The following HUWE1 variants were observed in gnomAD, a reference collection of about 807,000 sequenced individuals.
HUWE1 encodes the protein E3 ubiquitin-protein ligase HUWE1.
In HUWE1, 18 loss-of-function variants were observed where a neutral mutation model predicts 299.4. The observed-to-expected ratio is 0.06, with a 90% confidence interval of 0.04 to 0.09. The LOEUF is 0.09. Among genes scored for constraint, HUWE1 ranks in the 10% least tolerant of loss-of-function variants. HUWE1 has a pLI of 1.00. For synonymous variants in HUWE1, 1,317 were observed against 1,286.1 expected (o/e 1.02, Z -0.51); for missense variants, 1,832 against 3,462.3 (o/e 0.53, Z 11.82).
rs782194161 is a variant in HUWE1 at position 53,549,367 on chromosome X, C to T, written c.9627G>A (p.Leu3209=). The change falls in exon 67 of 84, where the codon CTG becomes CTA. Residue 3209 remains leucine (L), a synonymous_variant. Transcript: ENST00000262854. The part of the protein sequence containing the change: ...KLNTSRLHRV[L]RNLCYHAQTR... ...TCTGGGCATGGTAGCAGAGATTTCT[C>T]AGTACTCGGTGTAGACGGCTAGTAT... 8.3e-7 allele frequency: 1 copy of T among 1,211,626 alleles called. No homozygotes were observed. The highest frequency in any genetic ancestry group is 3.0e-5 in the East Asian group (1 of 33,823).
At chrX:53,649,592 A>C (rs1437072504) in intron 4 of HUWE1, among the ~76,000 whole-genome samples, 3 of 112,011 alleles carry the variant, frequency 2.7e-5, no homozygotes, top group Admixed American at 1.9e-4. Flanking sequence ...AATCCTTGGC[A>C]CAAAATCCTT....
chrX:53,625,337 T>C, intron 17 of HUWE1, 79 bp from the exon 18 acceptor site: 1 of 628,839 alleles, frequency 1.6e-6, no homozygotes, highest in Admixed American at 2.2e-5. Context: ...AACAAAATTT[T>C]AAGAGATCCA....
At chrX:53,660,467 A>G (rs2068943107) in intron 3 of HUWE1, among the ~76,000 whole-genome samples, 1 of 112,366 alleles carries the variant, frequency 8.9e-6, no homozygotes, top group Admixed American at 9.4e-5. Flanking sequence ...AAACCAAGAC[A>G]TCACTGTCCA....
At chrX:53,562,980 C>T (rs2062362830) in intron 52 of HUWE1, 51 bp from the exon 53 acceptor site, 1 of 1,052,610 alleles carries the variant, frequency 9.5e-7, no homozygotes, top group Non-Finnish European at 1.3e-6. Flanking sequence ...ACTTCCCTTT[C>T]CAGACTGGGT....
At chrX:53,560,546 C>T in intron 55 of HUWE1, 130 bp from the exon 56 acceptor site, 1 of 549,325 alleles carries the variant, frequency 1.8e-6, no homozygotes, top group Non-Finnish European at 3.0e-6. Context: ...CTCCCTCATT[C>T]CCACAACTCA....
At chrX:53,601,118 T>C (rs1409051778) in intron 28 of HUWE1, among the ~76,000 whole-genome samples, 1 of 111,644 alleles carries the variant, frequency 9.0e-6, no homozygotes, top group Admixed American at 9.5e-5. Flanking sequence ...TAAGCCTATG[T>C]CAGCTTTATT....
At chrX:53,560,130 A>G in intron 56 of HUWE1, 58 bp downstream of exon 56, 1 of 974,538 alleles carries the variant, frequency 1.0e-6, no homozygotes, top group South Asian at 2.1e-5. Context: ...ACAATGCTAA[A>G]GCACAGTGAA....
intron 71 of HUWE1, 77 bp downstream of exon 71, chrX:53,544,952 G>T: frequency 2.7e-6 from 3 of 1,104,899 alleles, no homozygotes; most frequent in Non-Finnish European, 3.7e-6. Context: ...AAATAAAAAA[G>T]ACCAGGAAAC....
chrX:53,637,117 G>T (rs782541703), intron 7 of HUWE1, among the ~76,000 whole-genome samples: 1 of 112,022 alleles, frequency 8.9e-6, no homozygotes, highest in Non-Finnish European at 1.9e-5. Context: ...CAAAGAGTAA[G>T]CCAGTTTTTA....
intron 66 of HUWE1, among the ~76,000 whole-genome samples, chrX:53,549,966 G>C (rs1278926041): frequency 9.1e-6 from 1 of 110,428 alleles, no homozygotes; most frequent in African/African-American, 3.3e-5. Flanking sequence ...TGCCTAGGCT[G>C]GTCTTGAACT....
At chrX:53,646,868 A>G (rs1372736691) in intron 6 of HUWE1, among the ~76,000 whole-genome samples, 1 of 112,178 alleles carries the variant, frequency 8.9e-6, no homozygotes, top group Non-Finnish European at 1.9e-5. Flanking sequence ...CCAATTAAAA[A>G]GCTCACTGAT....
At chrX:53,535,053 C>G (rs1438818155) in intron 81 of HUWE1, among the ~76,000 whole-genome samples, 2 of 110,091 alleles carry the variant, frequency 1.8e-5, no homozygotes, top group African/African-American at 3.3e-5. Flanking sequence ...TCTTCTGTCT[C>G]AGTCTCCCGA....
At chrX:53,562,040 T>C (rs2062319403) in intron 54 of HUWE1, 71 bp downstream of exon 54, 2 of 1,208,750 alleles carry the variant, frequency 1.7e-6, no homozygotes, top group African/African-American at 1.8e-5. Context: ...ACCCAGACTG[T>C]TGGTTTTCTG....
chrX:53,664,525 T>G (rs1251106544), intron 3 of HUWE1, among the ~76,000 whole-genome samples: 2 of 111,808 alleles, frequency 1.8e-5, no homozygotes, highest in Non-Finnish European at 3.8e-5. Context: ...TGGTTGATTA[T>G]TAGCAGGTAA....
intron 26 of HUWE1, among the ~76,000 whole-genome samples, chrX:53,604,088 G>A (rs1556994200): frequency 9.0e-6 from 1 of 111,637 alleles, no homozygotes; most frequent in African/African-American, 3.3e-5. Context: ...TTTGTTTAAT[G>A]TTGATACCAT....
chrX:53,621,345 C>T (rs1424873295), intron 19 of HUWE1, among the ~76,000 whole-genome samples: 1 of 110,509 alleles, frequency 9.0e-6, no homozygotes, highest in Non-Finnish European at 1.9e-5. Context: ...CCTTTTTGCC[C>T]ATGCTGTGAT....
chrX:53,561,479 CTTTCT>C (rs1556941078), intron 55 of HUWE1, among the ~76,000 whole-genome samples: 1 of 112,474 alleles, frequency 8.9e-6, no homozygotes. Flanking sequence ...GCCTTGGTCT[CTTTCT>C]TTTTTTTAAT....
chrX:53,662,660 T>C (rs1202448215), intron 3 of HUWE1, among the ~76,000 whole-genome samples: 1 of 111,848 alleles, frequency 8.9e-6, no homozygotes, highest in Non-Finnish European at 1.9e-5. Context: ...TAGAATGGAG[T>C]TCAGGAAAGA....
At position 53,559,162 on chromosome X, in the gene HUWE1, T is replaced by C. The variant is rs138445320; in HGVS notation, c.7916-102A>G. 8.5e-4 allele frequency: 662 copies of C among 777,050 alleles called. 2 individuals are homozygous for C. The African/African-American group carries it at 0.012, about 14-fold the overall frequency. The allele number at this position is 777,050 out of a possible 1,213,427, so 64.0% of individuals were successfully genotyped here. A position where few individuals can be genotyped will look rare whatever the true frequency, so the allele number is the denominator to read the frequency against. On this transcript the variant is annotated intron_variant, in intron 57 of 83. Coordinates refer to ENST00000262854, the MANE Select transcript of HUWE1 (RefSeq NM_031407.7). The stretch of plus-strand genomic sequence containing the variant: ...TATTTCCCTAAAAGGACCCAAGGTC[T>C]ATCACAATGTTTAGAACATAACAAG...
Sources: gnomAD v4.1 joint callset for allele counts (sites outside exome capture counted in the v4.1 genomes callset) on GRCh38, gnomAD v4.1.1 for gene constraint, MANE v1.5 for transcripts, NCBI Gene and HGNC (gene_info 2026-07-23, HGNC 2026-07-21) for gene names.